The following WDR11 variants were observed in gnomAD, a reference collection of about 807,000 sequenced individuals.
The protein encoded by WDR11 is WD repeat domain 11, also known as WD repeat-containing protein 11.
A neutral mutation model predicts 151.2 loss-of-function variants in WDR11; 83 were observed. The observed-to-expected ratio is 0.55, with a 90% confidence interval of 0.46 to 0.66. WDR11 has a LOEUF of 0.66. Ranked by LOEUF, WDR11 falls within the 30% of genes least tolerant of loss-of-function variation. WDR11 has a pLI of 0.00. For missense variants in WDR11, 1,301 were observed against 1,480.9 expected (o/e 0.88, Z 1.99); for synonymous variants, 484 against 533.1 (o/e 0.91, Z 1.27).
chr10:120,897,829 CT>C (rs1847670700), intron 19 of WDR11, among the ~76,000 whole-genome samples: 2 of 152,026 alleles, frequency 1.3e-5, no homozygotes, highest in Admixed American at 6.6e-5. Context: ...TAACAAGGGA[CT>C]TTTGAATTTG....
chr10:120,886,777 G>A lies in WDR11; in HGVS notation c.2062G>A (p.Val688Met), dbSNP rs767376012. Reference protein sequence around the residue: ...HFVFTDIDGQVYHLTVEGNSV... With the variant: ...HFVFTDIDGQMYHLTVEGNSV... ...TGTATTTACCGATATTGATGGCCAA[G>A]TGTATCATCTCACTGTTGAAGGAAA... Residue 688 changes from valine to methionine, a missense_variant, in exon 16 of 29, where the codon GTG becomes ATG. By Grantham distance (21) the Val-to-Met change is conservative. Around this residue, in one of 3 missense-constraint regions of WDR11, gnomAD observed 589 missense variants for 670.6 expected, o/e 0.88. Coordinates refer to ENST00000263461, the MANE Select transcript of WDR11 (RefSeq NM_018117.12). 3 of 1,613,942 alleles carry A rather than the reference G, an allele frequency of 1.9e-6. No individual in the cohort carries two copies. Among genetic ancestry groups the A allele is most frequent in the Non-Finnish European group, 8.5e-7 (1 of 1,179,982 alleles).
chr10:120,887,936 T>TA (rs34823806), intron 16 of WDR11, among the ~76,000 whole-genome samples: 1 of 151,654 alleles, frequency 6.6e-6, no homozygotes, highest in African/African-American at 2.4e-5. Flanking sequence ...TTCTTTAATA[T>TA]TTTTTTTTAT....
At chr10:120,853,158 G>A (rs982587003) in intron 2 of WDR11, among the ~76,000 whole-genome samples, 2 of 152,148 alleles carry the variant, frequency 1.3e-5, no homozygotes, top group African/African-American at 2.4e-5. Context: ...AGTAAGTAGC[G>A]TGCCATAAAG....
At chr10:120,875,978 C>CTT (rs67775105) in intron 11 of WDR11, among the ~76,000 whole-genome samples, 17,948 of 122,652 alleles carry the variant, frequency 0.15, 1,804 homozygotes, top group East Asian at 0.31. Context: ...CCTTTTTTTT[C>CTT]TTTTTTTTTT....
rs747083795 is a variant in WDR11, at chr10:120,889,972, T to C, written c.2306T>C (p.Met769Thr). Reference sequence around the variant, plus strand: ...AAAGGAAATCAAAAATTAATAGCAATGTACAATGATGGAGCTGAAGTGTGG... The same window carrying C: ...AAAGGAAATCAAAAATTAATAGCAACGTACAATGATGGAGCTGAAGTGTGG... ...PGKGNQKLIA[M>T]YNDGAEVWDT... The change falls in exon 18 of 29, where the codon ATG becomes ACG. Residue 769 changes from methionine to threonine, a missense_variant. Transcript: ENST00000263461. The C allele has an allele frequency of 1.9e-6, 3 of 1,613,912 alleles. No homozygotes were observed. Among genetic ancestry groups the C allele is most frequent in the Non-Finnish European group, 2.5e-6 (3 of 1,179,840 alleles).
In WDR11 at chr10:120,890,728, A is replaced by G; in HGVS notation, c.2356A>G (p.Ser786Gly). 6.2e-7 allele frequency: 1 copy of G among 1,614,160 alleles called. No individual in the cohort carries two copies. The highest frequency in any genetic ancestry group is 8.5e-7 in the Non-Finnish European group (1 of 1,180,034). Residue 786 changes from serine (S) to glycine (G), a missense_variant, in exon 19 of 29, where the codon AGC becomes GGC. Transcript: ENST00000263461. Reference sequence around the variant, plus strand: ...TTCACTCTTGAAGGTTCAGATGGTGAGCAGTTTAAGAAGTGGCAGAAATGT... The same window carrying G: ...TTCACTCTTGAAGGTTCAGATGGTGGGCAGTTTAAGAAGTGGCAGAAATGT... ...VWDTKEVQMV[S>G]SLRSGRNVTF...
chr10:120,880,843 CGTG>C lies in WDR11; in HGVS notation c.1685_1687del (p.Gly562del), dbSNP rs1564707794. On this transcript the variant is annotated inframe_deletion, in exon 13 of 29. Transcript: ENST00000263461. ...AATTAAAGGTAGGAGCATTGCTTTTCGTGGTGAAAGAGGCAATGATGAATCTGC... is the reference window on the plus strand; with the variant it reads ...AATTAAAGGTAGGAGCATTGCTTTTCGTGAAAGAGGCAATGATGAATCTGC... The C allele has an allele frequency of 6.2e-7, 1 of 1,604,750 alleles. No individual in the cohort carries two copies. Among genetic ancestry groups the C allele is most frequent in the South Asian group, 1.1e-5 (1 of 89,752 alleles).
intron 19 of WDR11, among the ~76,000 whole-genome samples, chr10:120,897,173 C>G (rs1429672412): frequency 6.6e-6 from 1 of 152,058 alleles, no homozygotes; most frequent in Non-Finnish European, 1.5e-5. Context: ...CCAAAGAAAC[C>G]CTCACTCCAT....
intron 9 of WDR11, among the ~76,000 whole-genome samples, chr10:120,870,808 A>G (rs1329657961): frequency 6.6e-6 from 1 of 152,246 alleles, no homozygotes; most frequent in African/African-American, 2.4e-5. Context: ...AATGTGGTAC[A>G]GTAGTTCACT....
Position 120,908,374 on chromosome 10 carries a change from C to T in WDR11, c.3518-182C>T. 4 of 653,456 alleles carry T rather than the reference C, an allele frequency of 6.1e-6. No homozygotes were observed. In the Admixed American group the frequency reaches 6.7e-5, roughly 11 times the overall value. 40.5% of individuals were successfully genotyped at this position (653,456 alleles called of 1,614,324 possible). On this transcript the variant is annotated intron_variant, in intron 28 of 28. Transcript: ENST00000263461. ...CAGACTGAGACATGGCCTACTATGGCCGGGAATCACCCTCTGCCCGCGAAA... is the reference window on the plus strand; with the variant it reads ...CAGACTGAGACATGGCCTACTATGGTCGGGAATCACCCTCTGCCCGCGAAA...
intron 19 of WDR11, among the ~76,000 whole-genome samples, chr10:120,897,906 T>C (rs1363553514): frequency 6.6e-6 from 1 of 152,208 alleles, no homozygotes; most frequent in Non-Finnish European, 1.5e-5. Flanking sequence ...AAAAGTATTA[T>C]TAAAAATATT....
intron 14 of WDR11, chr10:120,885,205 A>G (rs1487422162): frequency 6.5e-6 from 1 of 153,470 alleles, no homozygotes; most frequent in African/African-American, 2.4e-5. Flanking sequence ...ATGGAGTATT[A>G]CGTAGCATGC....
In WDR11 at chr10:120,889,911, C is replaced by T. The variant is rs769885977; in HGVS notation, c.2245C>T (p.Arg749Ter). ...GRVSRGIPTH[R>*]SWVRKIRFAP... ...TGTCTTCAGAGGAATACCCACACAC[C>T]GAAGTTGGGTGAGGAAGATTCGTTT... The change falls in exon 18 of 29, where the codon CGA becomes TGA. Residue 749 changes from arginine to a stop codon, truncating the protein, a stop_gained. Coordinates refer to ENST00000263461, the MANE Select transcript of WDR11 (RefSeq NM_018117.12). LOFTEE classifies it high-confidence loss of function. The T allele has an allele frequency of 4.3e-6, 7 of 1,613,502 alleles. No individual in the cohort carries two copies. The highest frequency in any genetic ancestry group is 1.6e-4 in the Middle Eastern group (1 of 6,062).
intron 27 of WDR11, chr10:120,906,570 T>TATTA (rs1205353913): frequency 2.8e-6 from 4 of 1,423,112 alleles, no homozygotes; most frequent in Admixed American, 5.7e-5. Flanking sequence ...TTTTTTAAAG[T>TATTA]ATTAATTTTA....
chr10:120,902,396 T>C, intron 22 of WDR11, 74 bp downstream of exon 22: 1 of 1,292,456 alleles, frequency 7.7e-7, no homozygotes, highest in Non-Finnish European at 1.1e-6. Context: ...GGTTTTTAGT[T>C]AGAAACACTT....
intron 14 of WDR11, among the ~76,000 whole-genome samples, chr10:120,885,286 TAC>T (rs5788451): frequency 0.22 from 32,633 of 147,224 alleles, 3,707 homozygotes; most frequent in African/African-American, 0.29. Flanking sequence ...TATATATATA[TAC>T]ACACACACAC....
chr10:120,865,287 T>A (rs891094794), intron 6 of WDR11, 75 bp downstream of exon 6: 15 of 1,440,574 alleles, frequency 1.0e-5, no homozygotes, highest in African/African-American at 1.4e-5. Flanking sequence ...TAATCTTGCA[T>A]AAGTCTTGTC....
intron 15 of WDR11, 133 bp downstream of exon 15, chr10:120,886,071 C>T (rs1379737652): frequency 6.4e-6 from 7 of 1,096,034 alleles, no homozygotes; most frequent in South Asian, 2.7e-5. Flanking sequence ...TTTCATCTTT[C>T]AGTACATACC....
chr10:120,852,380 A>G (rs1845809924), intron 1 of WDR11, 144 bp from the exon 2 acceptor site: 4 of 682,394 alleles, frequency 5.9e-6, no homozygotes, highest in Non-Finnish European at 7.8e-6. Flanking sequence ...TAAGTGGGAT[A>G]ATGATAAATA....
Sources: gnomAD v4.1 joint callset for allele counts (sites outside exome capture counted in the v4.1 genomes callset) on GRCh38, gnomAD v4.1.1 for gene constraint, gnomAD v4.1.1 regional missense constraint, MANE v1.5 for transcripts, NCBI Gene and HGNC (gene_info 2026-07-23, HGNC 2026-07-21) for gene names.